CAMK1D: variants seen among roughly 807,000 people sequenced by gnomAD.
CAMK1D encodes the protein calcium/calmodulin dependent protein kinase ID, also known as calcium/calmodulin-dependent protein kinase type 1D.
Under a neutral mutation model 47.7 loss-of-function variants are expected in CAMK1D, and 9 were observed. That is an observed-to-expected ratio of 0.19 (90% confidence interval 0.11 to 0.33). CAMK1D has a LOEUF of 0.33. CAMK1D is among the 10% of genes least tolerant of loss of function. CAMK1D has a pLI of 1.00. For missense variants in CAMK1D, 291 were observed against 488.7 expected, an observed-to-expected ratio of 0.60 and a Z score of 3.81; for synonymous variants, 184 against 184.9, an observed-to-expected ratio of 0.99 and a Z score of 0.04.
intron 1 of CAMK1D, among the ~76,000 whole-genome samples, chr10:12,530,178 C>T (rs573270988): frequency 1.3e-4 from 20 of 152,200 alleles, no homozygotes; most frequent in Non-Finnish European, 1.9e-4. Flanking sequence ...CCCAAGGCCA[C>T]GCATTCTTCA....
chr10:12,593,604 A>G (rs1249994298), intron 2 of CAMK1D, among the ~76,000 whole-genome samples: 1 of 152,152 alleles, frequency 6.6e-6, no homozygotes, highest in East Asian at 1.9e-4. Flanking sequence ...AAACAAACAA[A>G]CAAACAAAAA....
intron 1 of CAMK1D, among the ~76,000 whole-genome samples, chr10:12,403,384 C>A (rs533818255): frequency 6.6e-6 from 1 of 152,182 alleles, no homozygotes; most frequent in African/African-American, 2.4e-5. Context: ...GTCCTCGCTC[C>A]GTGCCCACCT....
chr10:12,349,957 G>C, intron 1 of CAMK1D, 47 bp downstream of exon 1: 5 of 1,161,790 alleles, frequency 4.3e-6, no homozygotes, highest in Non-Finnish European at 5.9e-6. Flanking sequence ...CGCGGCAGGG[G>C]CTGCACGGGC....
intron 3 of CAMK1D, among the ~76,000 whole-genome samples, chr10:12,744,834 A>C (rs946611645): frequency 2.0e-5 from 3 of 152,086 alleles, no homozygotes; most frequent in Admixed American, 2.0e-4. Context: ...CCAGGAGTTC[A>C]AGGCTGCAGT....
Position 12,832,748 on chromosome 10 carries a change from C to A in CAMK1D, c.*3861C>A, listed in dbSNP as rs10047334. On this transcript the variant is annotated 3_prime_UTR_variant, in exon 11 of 11. Transcript: ENST00000619168. ...CCACCGCTGGCCTTTGAGAGAGTCT[C>A]ACTCTCCAGCTAGCTCTTTGTGTAG... 6,957 of 152,384 alleles carry A rather than the reference C, an allele frequency of 0.046. 508 individuals carry two copies. The highest frequency in any genetic ancestry group is 0.16 in the African/African-American group (6,540 of 41,540). 9.4% of individuals were successfully genotyped at this position (152,384 alleles called of 1,614,324 possible).
At position 12,805,660 on chromosome 10, in the gene CAMK1D, G is replaced by A. The variant is rs970979102; in HGVS notation, c.642-8535G>A. Among the ~76,000 whole-genome samples, 6 of 152,272 alleles carry A rather than the reference G, an allele frequency of 3.9e-5. No homozygotes were observed. In the East Asian group the frequency reaches 7.8e-4, roughly 20 times the overall value. ...GCTAGGATTACAGGCATGAGCCACCGCGCCTGGCCAATAGGCCGATATCTT... is the reference window on the plus strand; with the variant it reads ...GCTAGGATTACAGGCATGAGCCACCACGCCTGGCCAATAGGCCGATATCTT... On this transcript the variant is annotated intron_variant, in intron 6 of 10. Coordinates refer to ENST00000619168, the MANE Select transcript of CAMK1D (RefSeq NM_153498.4).
chr10:12,758,228 A>C (rs1836326140), intron 3 of CAMK1D, among the ~76,000 whole-genome samples: 1 of 152,176 alleles, frequency 6.6e-6, no homozygotes, highest in Non-Finnish European at 1.5e-5. Context: ...TTGGGAATTA[A>C]GTCTTCAGCT....
intron 3 of CAMK1D, among the ~76,000 whole-genome samples, chr10:12,708,855 C>T (rs889175845): frequency 5.3e-5 from 8 of 151,728 alleles, no homozygotes; most frequent in East Asian, 2.0e-4. Context: ...TTAGGCCAGG[C>T]GTGGTGGCTC....
At chr10:12,404,785 C>T (rs1461043245) in intron 1 of CAMK1D, among the ~76,000 whole-genome samples, 5 of 151,604 alleles carry the variant, frequency 3.3e-5, no homozygotes, top group Non-Finnish European at 5.9e-5. Context: ...ACCTCTGCCT[C>T]GTGGGTGATT....
chr10:12,744,588 A>G (rs1161565474), intron 3 of CAMK1D, among the ~76,000 whole-genome samples: 1 of 152,176 alleles, frequency 6.6e-6, no homozygotes, highest in African/African-American at 2.4e-5. Context: ...GCAACAAAGA[A>G]AGGCGAACCT....
At position 12,612,516 on chromosome 10, in the gene CAMK1D, G is replaced by A. The variant is rs540288032; in HGVS notation, c.225-54220G>A. Among the ~76,000 whole-genome samples, 3 of 151,994 alleles carry A rather than the reference G, an allele frequency of 2.0e-5. No homozygotes were observed. The East Asian group carries it at 5.8e-4, about 29-fold the overall frequency. On this transcript the variant is annotated intron_variant, in intron 2 of 10. Coordinates refer to ENST00000619168, the MANE Select transcript of CAMK1D (RefSeq NM_153498.4). The stretch of plus-strand genomic sequence containing the variant: ...CCACCATGCCTGGTGGCCTCAGGTT[G>A]GGTTTTAATACTGTGGGTTTAATGG...
chr10:12,751,012 C>T (rs918055048), intron 3 of CAMK1D, among the ~76,000 whole-genome samples: 6 of 151,946 alleles, frequency 3.9e-5, no homozygotes, highest in African/African-American at 1.5e-4. Flanking sequence ...GAGATCACGC[C>T]ACTGCATTCC....
intron 1 of CAMK1D, among the ~76,000 whole-genome samples, chr10:12,459,580 T>G (rs1453949613): frequency 6.6e-6 from 1 of 152,248 alleles, no homozygotes; most frequent in African/African-American, 2.4e-5. Flanking sequence ...AGTCATTGTC[T>G]GAGAATCCCA....
intron 1 of CAMK1D, among the ~76,000 whole-genome samples, chr10:12,406,980 AG>A (rs1413160192): frequency 2.0e-5 from 3 of 152,096 alleles, no homozygotes; most frequent in Non-Finnish European, 4.4e-5. Flanking sequence ...CTTTCTTTCT[AG>A]GGAAGGCTCC....
At chr10:12,648,610 A>G (rs545815789) in intron 2 of CAMK1D, among the ~76,000 whole-genome samples, 1 of 152,174 alleles carries the variant, frequency 6.6e-6, no homozygotes, top group African/African-American at 2.4e-5. Flanking sequence ...AGCTGGGATT[A>G]CAGGCATGCG....
intron 1 of CAMK1D, among the ~76,000 whole-genome samples, chr10:12,387,335 G>A (rs1363078392): frequency 7.8e-6 from 1 of 128,942 alleles, no homozygotes; most frequent in Admixed American, 8.3e-5. Flanking sequence ...CATTGAGTTT[G>A]AGATATATAT....
At chr10:12,563,489 A>G (rs1837010130) in intron 2 of CAMK1D, among the ~76,000 whole-genome samples, 2 of 152,196 alleles carry the variant, frequency 1.3e-5, no homozygotes, top group Non-Finnish European at 2.9e-5. Flanking sequence ...TCAGATGCTA[A>G]TCTCTTCCAG....
intron 2 of CAMK1D, among the ~76,000 whole-genome samples, chr10:12,593,625 C>T (rs1263114733): frequency 6.6e-6 from 1 of 152,116 alleles, no homozygotes; most frequent in Non-Finnish European, 1.5e-5. Flanking sequence ...TCAGAATTCA[C>T]CACTATAAAC....
At chr10:12,751,991 T>G (rs1836010034) in intron 3 of CAMK1D, among the ~76,000 whole-genome samples, 1 of 151,978 alleles carries the variant, frequency 6.6e-6, no homozygotes, top group Non-Finnish European at 1.5e-5. Flanking sequence ...TTATCTTTTT[T>G]TTTTTTTTGA....
Sources: allele counts gnomAD v4.1 joint callset (sites outside exome capture counted in the v4.1 genomes callset), GRCh38; gene constraint gnomAD v4.1.1; transcripts MANE v1.5; gene names NCBI Gene and HGNC (gene_info 2026-07-23, HGNC 2026-07-21).